Variants in DENND5A observed in about 807,000 individuals in gnomAD.
DENND5A encodes DENN domain containing 5A.
DENND5A carries 64 observed loss-of-function variants against 140.3 expected under a neutral mutation model. The observed-to-expected ratio is 0.46, with a 90% CI of 0.37 to 0.56. DENND5A has a LOEUF of 0.56. DENND5A is among the 20% of genes least tolerant of loss of function. DENND5A has a pLI of 0.00. For synonymous variants in DENND5A, 605 were observed against 607.7 expected, an observed-to-expected ratio of 1.00 and a Z score of 0.07; for missense variants, 1,292 against 1,593.8, an observed-to-expected ratio of 0.81 and a Z score of 3.22.
At chr11:9,198,868 C>T (rs1849426198) in intron 4 of DENND5A, among the ~76,000 whole-genome samples, 1 of 148,158 alleles carries the variant, frequency 6.7e-6, no homozygotes, top group African/African-American at 2.5e-5. Flanking sequence ...ATCAGGAGTT[C>T]GAGACCAGCC....
chr11:9,145,511 A>T, intron 17 of DENND5A, 159 bp downstream of exon 17: 1 of 822,300 alleles, frequency 1.2e-6, no homozygotes, highest in Non-Finnish European at 2.0e-6. Flanking sequence ...CCTCAGGGTC[A>T]GTCTTTGGAT....
At position 9,265,159 on chromosome 11, in the gene DENND5A, T is replaced by A; in HGVS notation, c.-90A>T. 1.5e-6 allele frequency: 1 copy of A among 672,076 alleles called. No homozygotes were observed. The highest frequency in any genetic ancestry group is 1.8e-6 in the Non-Finnish European group (1 of 541,346). 41.6% of individuals were successfully genotyped at this position (672,076 alleles called of 1,614,324 possible). A position where few individuals can be genotyped will look rare whatever the true frequency, so the allele number is the denominator to read the frequency against. ...CGCCCGTCCGCCCTCAGGCCGCCCCTCCCGCCGCCGCCGCTACCGCGGCTC... is the reference window on the plus strand; with the variant it reads ...CGCCCGTCCGCCCTCAGGCCGCCCCACCCGCCGCCGCCGCTACCGCGGCTC... On this transcript the variant is annotated 5_prime_UTR_variant, in exon 1 of 23. Coordinates refer to ENST00000328194, the MANE Select transcript of DENND5A (RefSeq NM_015213.4). This position sits in a 1 kb window ranked among gnomAD's most constrained non-coding sequence, Gnocchi z 4.7.
rs1848313803 is a variant in DENND5A, at chr11:9,169,867, C to T, written c.2140G>A (p.Asp714Asn). ...TTAAGGTATCTTACCTCCCTCTGGTCATTATCTAAACGCAGGTGTTCTGTG... is the reference window on the plus strand; with the variant it reads ...TTAAGGTATCTTACCTCCCTCTGGTTATTATCTAAACGCAGGTGTTCTGTG... ...QHTEHLRLDN[D>N]QREKYIQEAR... Residue 714 changes from aspartate (D) to asparagine (N), a missense_variant, in exon 10 of 23, where the codon GAC becomes AAC. Around this residue, in one of 4 missense-constraint regions of DENND5A, gnomAD observed 199 missense variants for 189.1 expected, o/e 1.05. Coordinates refer to ENST00000328194, the MANE Select transcript of DENND5A (RefSeq NM_015213.4). The T allele has an allele frequency of 6.2e-7, 1 of 1,607,834 alleles. No homozygotes were observed. The highest frequency in any genetic ancestry group is 1.3e-5 in the African/African-American group (1 of 74,944).
At chr11:9,154,929 C>G (rs1484850444) in intron 12 of DENND5A, among the ~76,000 whole-genome samples, 1 of 151,932 alleles carries the variant, frequency 6.6e-6, no homozygotes, top group African/African-American at 2.4e-5. Context: ...GTGGGTGGAC[C>G]ACCTGAAGTC....
At chr11:9,259,755 G>C (rs956192368) in intron 1 of DENND5A, among the ~76,000 whole-genome samples, 1 of 152,050 alleles carries the variant, frequency 6.6e-6, no homozygotes, top group East Asian at 1.9e-4. Context: ...CAGGCCAGGC[G>C]AAGCGGCTCA....
chr11:9,153,344 CAAA>C (rs59736475), intron 12 of DENND5A, among the ~76,000 whole-genome samples: 5 of 27,026 alleles, frequency 1.9e-4, no homozygotes, highest in Non-Finnish European at 3.5e-4. Context: ...GGCTCCCTCT[CAAA>C]AAAAAAAAAA....
intron 1 of DENND5A, among the ~76,000 whole-genome samples, chr11:9,236,958 A>C (rs1851029004): frequency 6.6e-6 from 1 of 152,204 alleles, no homozygotes; most frequent in Admixed American, 6.6e-5. Context: ...CATACAACAA[A>C]ATATTCGTAA....
intron 6 of DENND5A, 31 bp downstream of exon 6, chr11:9,180,736 C>A: frequency 6.3e-7 from 1 of 1,596,916 alleles, no homozygotes; most frequent in Non-Finnish European, 8.6e-7. Flanking sequence ...GCACAGATCA[C>A]ACGTGTCACA....
intron 1 of DENND5A, among the ~76,000 whole-genome samples, chr11:9,226,890 C>T (rs114349400): frequency 1.3e-3 from 203 of 152,236 alleles, no homozygotes; most frequent in African/African-American, 4.6e-3. Context: ...AGCACAAGGA[C>T]GAGAGTGGTG....
intron 1 of DENND5A, among the ~76,000 whole-genome samples, chr11:9,213,816 A>AAAAAAAAAG (rs1326114808): frequency 1.3e-5 from 2 of 150,104 alleles, no homozygotes; most frequent in Admixed American, 6.6e-5. Context: ...CCCAAAAAAA[A>AAAAAAAAAG]AAGAAGAAGA....
rs756143855 is a variant in DENND5A at position 9,141,923 on chromosome 11, C to A, written c.3680+17G>T. On this transcript the variant is annotated intron_variant, in intron 22 of 22. Coordinates refer to ENST00000328194, the MANE Select transcript of DENND5A (RefSeq NM_015213.4). Reference sequence around the variant, plus strand: ...AAGGCTAACCGCTGTGCACTCTGGGCCCTGGGTCTGCAGTACCTGGCTCCC... The same window carrying A: ...AAGGCTAACCGCTGTGCACTCTGGGACCTGGGTCTGCAGTACCTGGCTCCC... The A allele has an allele frequency of 8.3e-6, 13 of 1,563,416 alleles. No homozygotes were observed. The highest frequency in any genetic ancestry group is 6.9e-6 in the Non-Finnish European group (8 of 1,152,834).
intron 16 of DENND5A, chr11:9,146,725 G>A (rs1847443341): frequency 4.2e-6 from 1 of 235,310 alleles, no homozygotes; most frequent in Non-Finnish European, 8.2e-6. Flanking sequence ...GAGGTAAACT[G>A]CATCAGCTCA....
At chr11:9,210,723 G>C (rs1849849443) in intron 1 of DENND5A, among the ~76,000 whole-genome samples, 1 of 152,132 alleles carries the variant, frequency 6.6e-6, no homozygotes, top group Non-Finnish European at 1.5e-5. Flanking sequence ...TGTAGAGTCA[G>C]GGTCTAGCTA....
At chr11:9,154,710 T>C (rs1410886370) in intron 12 of DENND5A, among the ~76,000 whole-genome samples, 1 of 151,304 alleles carries the variant, frequency 6.6e-6, no homozygotes, top group Non-Finnish European at 1.5e-5. Flanking sequence ...GTTTTATTCA[T>C]CCAAATAACA....
intron 5 of DENND5A, among the ~76,000 whole-genome samples, chr11:9,192,615 G>A (rs1047513431): frequency 4.1e-5 from 6 of 146,576 alleles, no homozygotes; most frequent in African/African-American, 7.5e-5. Context: ...GTGACAGTGC[G>A]AGACTTCGTC....
At chr11:9,167,775 C>T (rs577019174) in intron 10 of DENND5A, among the ~76,000 whole-genome samples, 2 of 152,246 alleles carry the variant, frequency 1.3e-5, no homozygotes, top group African/African-American at 2.4e-5. Flanking sequence ...TGCACTCCAA[C>T]CTGGGTGACA....
intron 12 of DENND5A, among the ~76,000 whole-genome samples, chr11:9,156,150 G>A (rs961327631): frequency 6.6e-6 from 1 of 152,134 alleles, no homozygotes; most frequent in African/African-American, 2.4e-5. Context: ...GAGGCCTAGG[G>A]AGAACATGGT....
chr11:9,178,918 T>C lies in DENND5A; in HGVS notation c.1611A>G (p.Gln537=), dbSNP rs78439449. ...ACCAGGATTCCTTATCCTGGCTGGG[T>C]TGGATGACAAACACCTCATAATCTG... is the stretch of plus-strand genomic sequence containing the variant. The part of the protein sequence containing the change: ...MFADYEVFVI[Q]PSQDKESWFT... The change falls in exon 7 of 23, where the codon CAA becomes CAG. Residue 537 remains glutamine, a synonymous_variant. Transcript: ENST00000328194. 8,593 of 1,614,134 alleles carry C rather than the reference T, an allele frequency of 5.3e-3. 44 individuals are homozygous for C. Among genetic ancestry groups the C allele is most frequent in the Non-Finnish European group, 6.0e-3 (7,096 of 1,180,006 alleles).
intron 1 of DENND5A, among the ~76,000 whole-genome samples, chr11:9,236,543 A>AG (rs2136263870): frequency 6.6e-6 from 1 of 150,808 alleles, no homozygotes; most frequent in Admixed American, 6.6e-5. Flanking sequence ...AAAAAAAGAA[A>AG]GAAAAAAAAA....
Sources: gnomAD v4.1 joint callset for allele counts (sites outside exome capture counted in the v4.1 genomes callset) on GRCh38, gnomAD v4.1.1 for gene constraint, gnomAD v4.1.1 regional missense constraint, Gnocchi (gnomAD v3.1) non-coding constraint, MANE v1.5 for transcripts, NCBI Gene and HGNC (gene_info 2026-07-23, HGNC 2026-07-21) for gene names.